The following HNRNPK variants were observed in gnomAD, a reference collection of about 807,000 sequenced individuals.
HNRNPK encodes heterogeneous nuclear ribonucleoprotein K, also known as dC-stretch binding protein.
Under a neutral mutation model 67.0 loss-of-function variants are expected in HNRNPK, and 7 were observed. The ratio of observed to expected loss-of-function variants is 0.10; its 90% CI spans 0.06 to 0.20. The LOEUF (loss-of-function observed/expected upper bound fraction) is 0.20, where lower values mean the gene tolerates loss of function less well. Among genes scored for constraint, HNRNPK ranks in the 10% least tolerant of loss-of-function variants. The pLI, the probability that HNRNPK is intolerant of heterozygous loss-of-function variation, is 1.00. For missense variants in HNRNPK, 264 were observed against 606.5 expected (o/e 0.44, Z 5.93); for synonymous variants, 213 against 193.7 (o/e 1.10, Z -0.83).
chr9:83,971,600 TCAA>T, intron 12 of HNRNPK, 69 bp downstream of exon 12: 1 of 1,283,060 alleles, frequency 7.8e-7, no homozygotes, highest in Middle Eastern at 1.8e-4. Context: ...ACTATAACCT[TCAA>T]CAAAACGTGA....
At chr9:83,973,639 A>G (rs1324457774) in intron 8 of HNRNPK, among the ~76,000 whole-genome samples, 2 of 152,204 alleles carry the variant, frequency 1.3e-5, no homozygotes, top group African/African-American at 4.8e-5. Flanking sequence ...CACTGCAGCC[A>G]TTTAGCATGT....
At chr9:83,969,973 G>A (rs185684651) in intron 16 of HNRNPK, 189 bp downstream of exon 16, 201 of 647,308 alleles carry the variant, frequency 3.1e-4, no homozygotes, top group East Asian at 2.3e-3. Context: ...AGCAAGATTA[G>A]TATTGAATGT....
intron 13 of HNRNPK, 157 bp downstream of exon 13, chr9:83,971,107 TCACTATTCA>T: frequency 1.4e-6 from 1 of 732,812 alleles, no homozygotes; most frequent in South Asian, 1.6e-5. Flanking sequence ...GCACCCAGCT[TCACTATTCA>T]AGTATTTTAA....
Position 83,969,669 on chromosome 9 carries a change from G to A in HNRNPK, c.1362-229C>T, listed in dbSNP as rs532853960. ...CAGAATTAAGAAAACGGAATTGAAAGTTGTTAATATTTGGTAGAAAAGACA... is the reference window on the plus strand; with the variant it reads ...CAGAATTAAGAAAACGGAATTGAAAATTGTTAATATTTGGTAGAAAAGACA... On this transcript the variant is annotated intron_variant, in intron 16 of 16. Coordinates refer to ENST00000376263, the MANE Select transcript of HNRNPK (RefSeq NM_031263.4). The A allele has an allele frequency of 2.5e-4, 151 of 610,214 alleles. 1 individual carries two copies. Among genetic ancestry groups the A allele is most frequent in the Admixed American group, 2.2e-3 (73 of 33,406 alleles). The allele number at this position is 610,214 out of a possible 1,614,324, so 37.8% of individuals were successfully genotyped here.
chr9:83,971,013 C>T lies in HNRNPK; in HGVS notation c.1093-101G>A, dbSNP rs189442295. On this transcript the variant is annotated intron_variant, in intron 13 of 16. Transcript: ENST00000376263. ...AATAAAATGGAGTCTTGCTATGTTG[C>T]CCAGGCTGGTCTCAAACTCTCGGGC... The T allele has an allele frequency of 8.2e-6, 10 of 1,217,604 alleles. No individual in the cohort carries two copies. The East Asian group carries it at 1.2e-4, about 14-fold the overall frequency. 75.4% of individuals were successfully genotyped at this position (1,217,604 alleles called of 1,614,324 possible). A position where few individuals can be genotyped will look rare whatever the true frequency, so the allele number is the denominator to read the frequency against.
At chr9:83,977,606 T>C (rs759283024) in intron 4 of HNRNPK, 83 bp downstream of exon 4, 10 of 755,584 alleles carry the variant, frequency 1.3e-5, no homozygotes, top group East Asian at 2.5e-5. Context: ...CTGTAAAACT[T>C]TGACTTTCTA....
chr9:83,970,047 G>T, intron 16 of HNRNPK, 115 bp downstream of exon 16: 1 of 787,356 alleles, frequency 1.3e-6, no homozygotes, highest in East Asian at 2.5e-5. Flanking sequence ...TTAGAAGTTA[G>T]GTCCCCAAAA....
intron 6 of HNRNPK, 39 bp from the exon 7 acceptor site, chr9:83,974,628 TG>T: frequency 1.4e-6 from 2 of 1,453,888 alleles, no homozygotes; most frequent in Non-Finnish European, 1.9e-6. Context: ...ACAAAAAAGG[TG>T]GAAAAGAAAA....
In HNRNPK at chr9:83,971,902, T is replaced by C. The variant is rs1396893224; in HGVS notation, c.933A>G (p.Pro311=). 4 of 1,558,160 alleles carry C rather than the reference T, an allele frequency of 2.6e-6. No homozygotes were observed. The African/African-American group carries it at 4.1e-5, about 16-fold the overall frequency. ...CTTACCCCCCTCTAGGTGGTGGTGG[T>C]GGAGGAAGAGGAAGATTCCGAGCTC... ...GSRARNLPLP[P]PPPPRGGDLM... is the part of the protein sequence containing the mutation. The change falls in exon 11 of 17, where the codon CCA becomes CCG. Residue 311 remains proline, a synonymous_variant. Coordinates refer to ENST00000376263, the MANE Select transcript of HNRNPK (RefSeq NM_031263.4).
chr9:83,978,159 TA>T (rs753348949), intron 3 of HNRNPK, 35 bp downstream of exon 3: 6 of 1,366,186 alleles, frequency 4.4e-6, no homozygotes, highest in African/African-American at 4.3e-5. Flanking sequence ...ATTAACAGGA[TA>T]AAAAAATACT....
intron 7 of HNRNPK, 35 bp downstream of exon 7, chr9:83,974,482 T>A: frequency 1.9e-6 from 2 of 1,035,584 alleles, no homozygotes; most frequent in Non-Finnish European, 3.0e-6. Context: ...TCCCCCCTCA[T>A]ATTGTCAAAT....
intron 6 of HNRNPK, 146 bp downstream of exon 6, chr9:83,975,316 A>G (rs1957028295): frequency 4.0e-6 from 3 of 755,364 alleles, no homozygotes; most frequent in South Asian, 1.8e-5. Context: ...TCAGTGACAA[A>G]AAGACTTAAT....
intron 15 of HNRNPK, 168 bp from the exon 16 acceptor site, chr9:83,970,499 T>G: frequency 3.1e-6 from 2 of 654,906 alleles, no homozygotes; most frequent in Non-Finnish European, 5.2e-6. Context: ...TATGTCACAC[T>G]TACTAATGTT....
At position 83,970,188 on chromosome 9, in the gene HNRNPK, C is replaced by T; in HGVS notation, c.1335G>A (p.Gln445=). The part of the protein sequence containing the change: ...ITITGTQDQI[Q]NAQYLLQNSV... Reference sequence around the variant, plus strand: ...TGTTCTGCAGCAAATACTGTGCATTCTGTATCTGGTCCTGTGTTCCTGTAA... The same window carrying T: ...TGTTCTGCAGCAAATACTGTGCATTTTGTATCTGGTCCTGTGTTCCTGTAA... The change falls in exon 16 of 17, where the codon CAG becomes CAA. Residue 445 remains glutamine (Q), a synonymous_variant. Coordinates refer to ENST00000376263, the MANE Select transcript of HNRNPK (RefSeq NM_031263.4). 1 of 1,613,458 alleles carries T rather than the reference C, an allele frequency of 6.2e-7. No homozygotes were observed. Among genetic ancestry groups the T allele is most frequent in the Non-Finnish European group, 8.5e-7 (1 of 1,179,638 alleles).
chr9:83,972,037 AG>A lies in HNRNPK; in HGVS notation c.797del (p.Pro266LeufsTer18), dbSNP rs1956870158. 1 of 1,613,778 alleles carries A rather than the reference AG, an allele frequency of 6.2e-7. No homozygotes were observed. Among genetic ancestry groups the A allele is most frequent in the Non-Finnish European group, 8.5e-7 (1 of 1,179,854 alleles). The stretch of plus-strand genomic sequence containing the variant: ...GAGGCATGGGACGCCCACCCCGACC[AG>A]GAGGCATTCTGTCAAAACCACCTCT... ...RGRGGFDRMP[P>X]GRGGRPMPPS... On this transcript the variant is annotated frameshift_variant, in exon 11 of 17. Transcript: ENST00000376263. LOFTEE classifies it high-confidence loss of function.
intron 4 of HNRNPK, 75 bp from the exon 5 acceptor site, chr9:83,977,126 G>C (rs1054637757): frequency 3.7e-6 from 4 of 1,084,884 alleles, no homozygotes; most frequent in Non-Finnish European, 5.6e-6. Context: ...CTTAGATTTT[G>C]CTAAAAAATC....
rs765762652 is a variant in HNRNPK, at chr9:83,977,672, A to C, written c.156+17T>G. The C allele has an allele frequency of 6.6e-7, 1 of 1,505,148 alleles. No individual in the cohort carries two copies. The highest frequency in any genetic ancestry group is 1.4e-5 in the African/African-American group (1 of 72,160). The allele number at this position is 1,505,148 out of a possible 1,614,324, so 93.2% of individuals were successfully genotyped here. On this transcript the variant is annotated intron_variant, in intron 4 of 16. Transcript: ENST00000376263. ...GAGTATGAACCACCTTCAAATTTTCAAGAATAAAATTTATACCTTGCTCTG... is the reference window on the plus strand; with the variant it reads ...GAGTATGAACCACCTTCAAATTTTCCAGAATAAAATTTATACCTTGCTCTG...
At chr9:83,972,793 T>C (rs77240262) in intron 10 of HNRNPK, 51 bp downstream of exon 10, 1 of 1,444,664 alleles carries the variant, frequency 6.9e-7, no homozygotes, top group South Asian at 1.3e-5. Context: ...TGCAGAAGGT[T>C]ATCACTTTGT....
chr9:83,979,029 G>T (rs75429237), intron 1 of HNRNPK, among the ~76,000 whole-genome samples: 9 of 152,144 alleles, frequency 5.9e-5, no homozygotes, highest in Admixed American at 6.6e-5. Flanking sequence ...TGGAGCCCTT[G>T]AAAACTAACA....
Sources: allele counts gnomAD v4.1 joint callset (sites outside exome capture counted in the v4.1 genomes callset), GRCh38; gene constraint gnomAD v4.1.1; transcripts MANE v1.5; gene names NCBI Gene and HGNC (gene_info 2026-07-23, HGNC 2026-07-21).